PPFIA2: variants seen among roughly 807,000 people sequenced by gnomAD.
PPFIA2 encodes the protein liprin-alpha-2.
PPFIA2 carries 46 observed loss-of-function variants against 175.5 expected under a neutral mutation model. The ratio of observed to expected loss-of-function variants is 0.26; its 90% CI spans 0.21 to 0.34. The LOEUF (loss-of-function observed/expected upper bound fraction) is 0.34. Among genes scored for constraint, PPFIA2 ranks in the 10% least tolerant of loss-of-function variants. PPFIA2 has a pLI of 1.00. For synonymous variants in PPFIA2, 568 were observed against 511.4 expected (o/e 1.11, Z -1.49); for missense variants, 1,179 against 1,506.1 (o/e 0.78, Z 3.60).
At chr12:81,521,204 GAAA>G (rs78463729) in intron 4 of PPFIA2, among the ~76,000 whole-genome samples, 2 of 138,634 alleles carry the variant, frequency 1.4e-5, no homozygotes, top group East Asian at 4.1e-4. Context: ...GGAATCACGA[GAAA>G]AAAAAAAAAA....
chr12:81,576,808 A>T (rs902634850), intron 4 of PPFIA2, among the ~76,000 whole-genome samples: 16 of 151,826 alleles, frequency 1.1e-4, no homozygotes, highest in African/African-American at 3.9e-4. Context: ...AAGTTATTCA[A>T]CTAGTATGAT....
chr12:81,522,949 C>T (rs976282130), intron 4 of PPFIA2, among the ~76,000 whole-genome samples: 1 of 152,182 alleles, frequency 6.6e-6, no homozygotes, highest in African/African-American at 2.4e-5. Context: ...CCCACATTCA[C>T]TCAAGGACCC....
chr12:81,442,219 A>G (rs1335093762), intron 6 of PPFIA2, among the ~76,000 whole-genome samples: 1 of 152,110 alleles, frequency 6.6e-6, no homozygotes, highest in Non-Finnish European at 1.5e-5. Context: ...TTGTCCACGA[A>G]GTAATAAATC....
chr12:81,576,128 G>A (rs1484951927), intron 4 of PPFIA2, among the ~76,000 whole-genome samples: 2 of 151,638 alleles, frequency 1.3e-5, no homozygotes, highest in East Asian at 4.0e-4. Context: ...CAATTGAAGG[G>A]AAGCTGGTGT....
intron 4 of PPFIA2, among the ~76,000 whole-genome samples, chr12:81,571,427 G>A (rs969635649): frequency 6.6e-6 from 1 of 151,980 alleles, no homozygotes; most frequent in Non-Finnish European, 1.5e-5. Flanking sequence ...TACCAGCAAC[G>A]TAACCGAGCA....
intron 4 of PPFIA2, among the ~76,000 whole-genome samples, chr12:81,497,768 A>C (rs1291194253): frequency 2.0e-5 from 3 of 151,850 alleles, no homozygotes; most frequent in Non-Finnish European, 2.9e-5. Context: ...CGAACTCCTG[A>C]CCTCAGGTGA....
intron 4 of PPFIA2, among the ~76,000 whole-genome samples, chr12:81,571,766 A>G (rs2072588592): frequency 6.6e-6 from 1 of 152,172 alleles, no homozygotes; most frequent in Non-Finnish European, 1.5e-5. Context: ...AAACATTTAC[A>G]GAGTACTATA....
chr12:81,376,309 G>A (rs2036343469), intron 9 of PPFIA2, among the ~76,000 whole-genome samples: 1 of 152,018 alleles, frequency 6.6e-6, no homozygotes, highest in African/African-American at 2.4e-5. Context: ...TGTTAAAATG[G>A]TGGCTACAGT....
intron 5 of PPFIA2, among the ~76,000 whole-genome samples, 194 bp downstream of exon 5, chr12:81,457,571 T>G (rs977570016): frequency 1.3e-5 from 2 of 152,202 alleles, no homozygotes; most frequent in African/African-American, 4.8e-5. Flanking sequence ...TAGCTGTGAC[T>G]ATAATTTAGG....
intron 3 of PPFIA2, among the ~76,000 whole-genome samples, chr12:81,690,630 T>A (rs1276012143): frequency 6.6e-6 from 1 of 152,124 alleles, no homozygotes; most frequent in Non-Finnish European, 1.5e-5. Context: ...ATGGGTAAAC[T>A]ACTAAATTCC....
intron 4 of PPFIA2, among the ~76,000 whole-genome samples, chr12:81,640,342 G>C (rs1055376274): frequency 2.6e-5 from 4 of 152,088 alleles, no homozygotes; most frequent in African/African-American, 9.7e-5. Flanking sequence ...GGTGATGATA[G>C]GAGTGACTAG....
At chr12:81,675,290 G>T (rs2072286456) in intron 4 of PPFIA2, among the ~76,000 whole-genome samples, 1 of 151,838 alleles carries the variant, frequency 6.6e-6, no homozygotes, top group East Asian at 1.9e-4. Context: ...TATTGGGAAT[G>T]ACATTGATGT....
chr12:81,738,118 A>C (rs759108875), intron 3 of PPFIA2, among the ~76,000 whole-genome samples: 50 of 152,040 alleles, frequency 3.3e-4, no homozygotes, highest in South Asian at 1.0e-3. Context: ...AAAGATTAAA[A>C]AAAAAAAGGA....
In PPFIA2 at chr12:81,474,909, A is replaced by G. The variant is rs561147266; in HGVS notation, c.304-17043T>C. 4.6e-5 allele frequency among the ~76,000 whole-genome samples: 7 copies of G among 152,334 alleles called. No individual in the cohort carries two copies. In the South Asian group the frequency reaches 1.0e-3, roughly 23 times the overall value. The stretch of plus-strand genomic sequence containing the variant: ...TAGCAGATACAAAAGAGGGACTCTG[A>G]CTGACTGAAAAATCTAGATAGATGT... On this transcript the variant is annotated intron_variant, in intron 4 of 32. Transcript: ENST00000549396.
At chr12:81,553,707 A>C (rs915209246) in intron 4 of PPFIA2, among the ~76,000 whole-genome samples, 2 of 152,010 alleles carry the variant, frequency 1.3e-5, no homozygotes, top group Non-Finnish European at 2.9e-5. Context: ...AAGACTTTGC[A>C]TGATGCTAGT....
chr12:81,662,606 G>A (rs993313811), intron 4 of PPFIA2, among the ~76,000 whole-genome samples: 11 of 152,078 alleles, frequency 7.2e-5, no homozygotes, highest in Non-Finnish European at 1.0e-4. Context: ...ATTCACAGCC[G>A]AATTCTACCA....
chr12:81,690,441 G>A (rs1052769500), intron 3 of PPFIA2, among the ~76,000 whole-genome samples: 6 of 151,862 alleles, frequency 4.0e-5, no homozygotes, highest in Non-Finnish European at 7.4e-5. Flanking sequence ...AGGATTTTTC[G>A]CATCTTTACA....
chr12:81,281,868 G>A (rs764706727), intron 26 of PPFIA2, among the ~76,000 whole-genome samples: 7 of 151,948 alleles, frequency 4.6e-5, no homozygotes, highest in Non-Finnish European at 7.4e-5. Context: ...ATATTGTAAT[G>A]GCAAATGTTG....
At chr12:81,468,117 T>G (rs886436754) in intron 4 of PPFIA2, among the ~76,000 whole-genome samples, 1 of 152,096 alleles carries the variant, frequency 6.6e-6, no homozygotes, top group African/African-American at 2.4e-5. Flanking sequence ...AAACAAAACC[T>G]TGTTCTGGTC....
Sources: allele counts gnomAD v4.1 joint callset (sites outside exome capture counted in the v4.1 genomes callset), GRCh38; gene constraint gnomAD v4.1.1; transcripts MANE v1.5; gene names NCBI Gene and HGNC (gene_info 2026-07-23, HGNC 2026-07-21).